The following KDM5A variants were observed in gnomAD, a reference collection of about 807,000 sequenced individuals.
KDM5A encodes lysine demethylase 5A.
In KDM5A, 42 loss-of-function variants were observed where a neutral mutation model predicts 193.5. The ratio of observed to expected loss-of-function variants is 0.22; its 90% CI spans 0.17 to 0.28. The LOEUF (loss-of-function observed/expected upper bound fraction) is 0.28. Ranked by LOEUF, KDM5A falls within the 10% of genes least tolerant of loss-of-function variation. KDM5A has a pLI of 1.00. For missense variants in KDM5A, 1,692 were observed against 2,055.1 expected, an observed-to-expected ratio of 0.82 and a Z score of 3.42; for synonymous variants, 796 against 718.1, an observed-to-expected ratio of 1.11 and a Z score of -1.73.
At chr12:344,458 T>TG (rs977359422) in intron 10 of KDM5A, among the ~76,000 whole-genome samples, 5 of 152,040 alleles carry the variant, frequency 3.3e-5, no homozygotes, top group African/African-American at 1.2e-4. Flanking sequence ...CCAAGACACA[T>TG]AATTGTCAGA....
intron 26 of KDM5A, among the ~76,000 whole-genome samples, chr12:295,233 AGAAAG>A (rs1307695120): frequency 4.6e-5 from 7 of 152,202 alleles, no homozygotes; most frequent in East Asian, 3.9e-4. Flanking sequence ...TCCTACAAGA[AGAAAG>A]GAAAGGAAAG....
At chr12:385,610 T>C (rs557598523) in intron 2 of KDM5A, among the ~76,000 whole-genome samples, 7 of 152,112 alleles carry the variant, frequency 4.6e-5, no homozygotes, top group Admixed American at 4.6e-4. Flanking sequence ...TCTTCCAAGA[T>C]TAACAAAAAT....
At chr12:319,873 G>T (rs767035463) in intron 18 of KDM5A, among the ~76,000 whole-genome samples, 27 of 152,200 alleles carry the variant, frequency 1.8e-4, no homozygotes, top group Non-Finnish European at 5.9e-5. Context: ...TCCAGGGCTG[G>T]AGATGTGGGA....
At chr12:356,610 T>C in intron 5 of KDM5A, 73 bp from the exon 6 acceptor site, 2 of 954,766 alleles carry the variant, frequency 2.1e-6, no homozygotes, top group South Asian at 2.7e-5. Flanking sequence ...CCAAGGAAAG[T>C]TTCAGAATCC....
At chr12:330,085 G>GTATATATATATA (rs1555132314) in intron 13 of KDM5A, among the ~76,000 whole-genome samples, 6 of 139,314 alleles carry the variant, frequency 4.3e-5, no homozygotes, top group African/African-American at 8.1e-5. Flanking sequence ...GTGTGTGTGT[G>GTATATATATATA]TATATATATA....
chr12:312,925 A>C (rs1414586637), intron 20 of KDM5A, 131 bp downstream of exon 20: 1 of 1,090,098 alleles, frequency 9.2e-7, no homozygotes, highest in Non-Finnish European at 1.4e-6. Context: ...AAAGTCTAAA[A>C]ATCACAAATC....
rs1003667633 is a variant in KDM5A, at chr12:307,282, C to T, written c.3930+172G>A. On this transcript the variant is annotated intron_variant, in intron 23 of 27. Transcript: ENST00000399788. This position sits in a 1 kb window ranked among gnomAD's most constrained non-coding sequence, Gnocchi z 4.3. ...GAATGATATTACCAAGAATATTTCACTAAGTACGTATCCAAAAAAAGTGCT... is the reference window on the plus strand; with the variant it reads ...GAATGATATTACCAAGAATATTTCATTAAGTACGTATCCAAAAAAAGTGCT... Among the ~76,000 whole-genome samples, 8 of 152,132 alleles carry T rather than the reference C, an allele frequency of 5.3e-5. No homozygotes were observed. Among genetic ancestry groups the T allele is most frequent in the African/African-American group, 1.9e-4 (8 of 41,438 alleles).
At chr12:328,490 C>G (rs757060064) in intron 14 of KDM5A, among the ~76,000 whole-genome samples, 2 of 151,946 alleles carry the variant, frequency 1.3e-5, no homozygotes, top group Non-Finnish European at 2.9e-5. Context: ...AACTGACAGT[C>G]TGTAATTTCC....
intron 25 of KDM5A, among the ~76,000 whole-genome samples, chr12:296,739 C>T (rs1361860858): frequency 1.3e-5 from 2 of 152,082 alleles, no homozygotes; most frequent in Admixed American, 6.5e-5. Flanking sequence ...TGATAATGAC[C>T]ACATAGAGGG....
intron 3 of KDM5A, among the ~76,000 whole-genome samples, chr12:377,154 C>A (rs760837447): frequency 6.6e-6 from 1 of 152,116 alleles, no homozygotes; most frequent in African/African-American, 2.4e-5. Context: ...AGGCAACTAT[C>A]CCTCTCCAAC....
chr12:302,543 G>A (rs1455749595), intron 24 of KDM5A, among the ~76,000 whole-genome samples: 1 of 151,638 alleles, frequency 6.6e-6, no homozygotes, highest in Non-Finnish European at 1.5e-5. Flanking sequence ...AAGACTTAAA[G>A]GTAAGACCTA....
Position 295,639 on chromosome 12 carries a change from T to C in KDM5A, c.4389A>G (p.Gln1463=). 1.9e-6 allele frequency: 3 copies of C among 1,614,162 alleles called. No individual in the cohort carries two copies. The highest frequency in any genetic ancestry group is 1.7e-6 in the Non-Finnish European group (2 of 1,180,020). ...TGGCCTGCAAAATCCGCCATATGTG[T>C]TGAGTCTCGTCCAGAGATACTTCCA... is the stretch of plus-strand genomic sequence containing the variant. ...DLLEVSLDET[Q]HIWRILQATH... The change falls in exon 26 of 28, where the codon CAA becomes CAG. Residue 1463 remains glutamine, a synonymous_variant. Transcript: ENST00000399788.
chr12:373,572 T>C (rs1434333097), intron 3 of KDM5A, among the ~76,000 whole-genome samples: 3 of 152,226 alleles, frequency 2.0e-5, no homozygotes, highest in East Asian at 1.9e-4. Context: ...TTTGTGTCTC[T>C]ATCTCCTTCA....
At chr12:365,839 T>C (rs559204617) in intron 4 of KDM5A, 95 bp downstream of exon 4, 2 of 1,191,808 alleles carry the variant, frequency 1.7e-6, no homozygotes, top group Non-Finnish European at 2.5e-6. Flanking sequence ...TCCCCAAATT[T>C]TGGTGCCTGC....
chr12:338,711 G>C (rs1484830627), intron 10 of KDM5A, among the ~76,000 whole-genome samples: 1 of 152,142 alleles, frequency 6.6e-6, no homozygotes, highest in Non-Finnish European at 1.5e-5. Flanking sequence ...AATGGCTGTA[G>C]TGGGAATGCA....
At chr12:291,235 T>C (rs192748447) in intron 27 of KDM5A, among the ~76,000 whole-genome samples, 2 of 152,332 alleles carry the variant, frequency 1.3e-5, no homozygotes, top group African/African-American at 4.8e-5. Context: ...CACTAAAATA[T>C]TTATAGCTGT....
At position 356,539 on chromosome 12, in the gene KDM5A, TA is replaced by T. The variant is rs1263412935; in HGVS notation, c.673-3del. ...TCTACTCACATCTCCAGATTCTGAC[TA>T]AAAAATAAGCAAAATTCACATTAGC... On this transcript the variant is annotated splice_polypyrimidine_tract_variant and splice_region_variant and intron_variant, in intron 5 of 27. Transcript: ENST00000399788. 2 of 1,592,978 alleles carry T rather than the reference TA, an allele frequency of 1.3e-6. No individual in the cohort carries two copies. The highest frequency in any genetic ancestry group is 8.6e-7 in the Non-Finnish European group (1 of 1,160,722).
intron 14 of KDM5A, 57 bp from the exon 15 acceptor site, chr12:323,838 A>G: frequency 7.0e-7 from 1 of 1,431,876 alleles, no homozygotes; most frequent in Non-Finnish European, 9.9e-7. Flanking sequence ...AGCATCAAAA[A>G]ACTTAAGTTA....
chr12:323,316 T>C, intron 15 of KDM5A, 110 bp from the exon 16 acceptor site: 1 of 1,195,134 alleles, frequency 8.4e-7, no homozygotes, highest in Non-Finnish European at 1.1e-6. Context: ...TTAAGGAAAA[T>C]ACAATGGCCA....
Sources: allele counts gnomAD v4.1 joint callset (sites outside exome capture counted in the v4.1 genomes callset), GRCh38; gene constraint gnomAD v4.1.1; non-coding constraint Gnocchi (gnomAD v3.1); transcripts MANE v1.5; gene names NCBI Gene and HGNC (gene_info 2026-07-23, HGNC 2026-07-21).